The following PDE4B variants were observed in gnomAD, a reference collection of about 807,000 sequenced individuals.
PDE4B encodes 3',5'-cyclic-AMP phosphodiesterase 4B.
Under a neutral mutation model 82.2 loss-of-function variants are expected in PDE4B, and 20 were observed. The observed-to-expected ratio is 0.24, with a 90% confidence interval of 0.17 to 0.35. The LOEUF (loss-of-function observed/expected upper bound fraction) is 0.35. Among genes scored for constraint, PDE4B ranks in the 10% least tolerant of loss-of-function variants. PDE4B has a pLI of 1.00. For missense variants in PDE4B, 655 were observed against 907.2 expected, an observed-to-expected ratio of 0.72 and a Z score of 3.57; for synonymous variants, 320 against 318.9, an observed-to-expected ratio of 1.00 and a Z score of -0.04.
intron 3 of PDE4B, among the ~76,000 whole-genome samples, chr1:66,144,848 G>A (rs1048876089): frequency 6.6e-6 from 1 of 152,208 alleles, no homozygotes; most frequent in Non-Finnish European, 1.5e-5. Context: ...TGAGTAACTG[G>A]AGAGGTATTC....
chr1:65,947,398 T>A (rs1184789653), intron 3 of PDE4B, among the ~76,000 whole-genome samples: 2 of 151,986 alleles, frequency 1.3e-5, no homozygotes, highest in Non-Finnish European at 2.9e-5. Flanking sequence ...TAGGACCCCA[T>A]TAGGGACCAC....
intron 7 of PDE4B, among the ~76,000 whole-genome samples, chr1:66,283,798 GTCT>G (rs1656464117): frequency 6.6e-6 from 1 of 152,078 alleles, no homozygotes; most frequent in Non-Finnish European, 1.5e-5. Flanking sequence ...AATGATAAAT[GTCT>G]TTTAGAACTC....
At position 66,186,889 on chromosome 1, in the gene PDE4B, A is replaced by T. The variant is rs181401209; in HGVS notation, c.282-60571A>T. ...CACTATGTTGAATAGGAGTGATGAG[A>T]GAGGGCATCCCTGTCTTGTGCCAGT... On this transcript the variant is annotated intron_variant, in intron 3 of 16. Transcript: ENST00000341517. 1.7e-3 allele frequency among the ~76,000 whole-genome samples: 263 copies of T among 152,318 alleles called. 1 individual carries two copies. The Middle Eastern group carries it at 0.02, about 12-fold the overall frequency.
chr1:66,075,507 T>C (rs532868450), intron 3 of PDE4B, among the ~76,000 whole-genome samples: 27 of 152,254 alleles, frequency 1.8e-4, no homozygotes, highest in African/African-American at 6.3e-4. Flanking sequence ...CTTTATTCCC[T>C]CTTTTTGAGA....
intron 3 of PDE4B, among the ~76,000 whole-genome samples, chr1:66,219,912 C>T (rs1167277274): frequency 6.6e-6 from 1 of 152,154 alleles, no homozygotes; most frequent in Non-Finnish European, 1.5e-5. Flanking sequence ...ATACTGTGTA[C>T]AATTCTGGAA....
chr1:66,230,902 G>C (rs7529316), intron 3 of PDE4B, among the ~76,000 whole-genome samples: 31,243 of 151,794 alleles, frequency 0.21, 6,679 homozygotes, highest in African/African-American at 0.53. Context: ...AAAAATTAGC[G>C]GGGCACAGTG....
In PDE4B at chr1:66,068,367, C is replaced by G. The variant is rs374790485; in HGVS notation, c.281+149532C>G. Among the ~76,000 whole-genome samples the G allele has an allele frequency of 2.8e-4, 43 of 151,878 alleles. No homozygotes were observed. In the South Asian group the frequency reaches 8.5e-3, roughly 30 times the overall value. On this transcript the variant is annotated intron_variant, in intron 3 of 16. Transcript: ENST00000341517. ...TTGTGTAGCAGATATTAGAATTAAC[C>G]AATAGATAGAAATATAGAAACAGAA...
intron 3 of PDE4B, among the ~76,000 whole-genome samples, chr1:66,141,374 A>C (rs1203212395): frequency 2.1e-5 from 3 of 144,824 alleles, no homozygotes; most frequent in Non-Finnish European, 3.0e-5. Context: ...ATATGAAGAA[A>C]CTTACTTTAA....
chr1:66,186,736 G>A (rs7546560), intron 3 of PDE4B, among the ~76,000 whole-genome samples: 76,118 of 151,934 alleles, frequency 0.5, 19,686 homozygotes, highest in South Asian at 0.63. Flanking sequence ...ATTTTGGGCT[G>A]AGACCATGGG....
At chr1:66,260,123 T>C (rs1654575942) in intron 6 of PDE4B, among the ~76,000 whole-genome samples, 1 of 152,180 alleles carries the variant, frequency 6.6e-6, no homozygotes, top group Non-Finnish European at 1.5e-5. Context: ...GGTTTTCATA[T>C]CTGTTGTCAG....
chr1:66,352,503 T>C (rs559618527), intron 8 of PDE4B, among the ~76,000 whole-genome samples: 1 of 152,128 alleles, frequency 6.6e-6, no homozygotes. Flanking sequence ...AGAAAGAAAA[T>C]AAACAGAGAA....
intron 3 of PDE4B, among the ~76,000 whole-genome samples, chr1:66,240,878 TG>T (rs1457766993): frequency 2.0e-5 from 3 of 152,236 alleles, no homozygotes; most frequent in Non-Finnish European, 4.4e-5. Context: ...GACTGAGGTG[TG>T]GGGGGCAGGA....
intron 3 of PDE4B, among the ~76,000 whole-genome samples, chr1:66,164,479 T>TGAGCC (rs1440652931): frequency 3.2e-5 from 4 of 123,692 alleles, no homozygotes; most frequent in African/African-American, 1.3e-4. Context: ...GAGGTTGCAG[T>TGAGCC]GAGCCAAGAC....
intron 3 of PDE4B, among the ~76,000 whole-genome samples, chr1:66,059,762 T>A (rs1371311603): frequency 6.6e-6 from 1 of 152,156 alleles, no homozygotes; most frequent in Admixed American, 6.5e-5. Context: ...GAAATTTGGG[T>A]GAGGACACAG....
chr1:66,004,446 A>G (rs1652037138), intron 3 of PDE4B, among the ~76,000 whole-genome samples: 1 of 152,154 alleles, frequency 6.6e-6, no homozygotes, highest in Non-Finnish European at 1.5e-5. Flanking sequence ...ATAAAATAAA[A>G]AGTAATAAAT....
chr1:66,163,727 TTAAAAATTAGTGAAA>T (rs1211970334), intron 3 of PDE4B, among the ~76,000 whole-genome samples: 1 of 152,138 alleles, frequency 6.6e-6, no homozygotes, highest in African/African-American at 2.4e-5. Context: ...GTTAGTGAGG[TTAAAAATTAGTGAAA>T]TAAAATAAGT....
At chr1:65,823,788 C>T (rs1316969185) in intron 1 of PDE4B, among the ~76,000 whole-genome samples, 1 of 152,184 alleles carries the variant, frequency 6.6e-6, no homozygotes, top group East Asian at 1.9e-4. Flanking sequence ...ATCATCTACA[C>T]TTTCTTTCTG....
At chr1:65,863,972 T>C (rs775668666) in intron 1 of PDE4B, among the ~76,000 whole-genome samples, 16 of 152,200 alleles carry the variant, frequency 1.1e-4, no homozygotes, top group Admixed American at 5.9e-4. Flanking sequence ...TGTCTTTTAA[T>C]TGGGGCTTTT....
At chr1:65,894,049 A>G (rs531077713) in intron 1 of PDE4B, among the ~76,000 whole-genome samples, 1 of 152,214 alleles carries the variant, frequency 6.6e-6, no homozygotes, top group South Asian at 2.1e-4. Context: ...CACAGTGTAC[A>G]CTGCTTGGGT....
Sources: gnomAD v4.1 joint callset for allele counts (sites outside exome capture counted in the v4.1 genomes callset) on GRCh38, gnomAD v4.1.1 for gene constraint, MANE v1.5 for transcripts, NCBI Gene and HGNC (gene_info 2026-07-23, HGNC 2026-07-21) for gene names.